The following TTC13 variants were observed in gnomAD, a reference collection of about 807,000 sequenced individuals.
TTC13 encodes tetratricopeptide repeat protein 13.
In TTC13, 62 loss-of-function variants were observed where a neutral mutation model predicts 120.0. The ratio of observed to expected loss-of-function variants is 0.52; its 90% CI spans 0.42 to 0.64. The LOEUF (loss-of-function observed/expected upper bound fraction) is 0.64, where lower values mean the gene tolerates loss of function less well. TTC13 is among the 30% of genes least tolerant of loss of function. The pLI is 0.00. For missense variants in TTC13, 824 were observed against 1,050.2 expected, an observed-to-expected ratio of 0.78 and a Z score of 2.98; for synonymous variants, 384 against 393.5, an observed-to-expected ratio of 0.98 and a Z score of 0.28.
At chr1:230,974,589 C>T (rs1439665710) in intron 1 of TTC13, among the ~76,000 whole-genome samples, 1 of 152,146 alleles carries the variant, frequency 6.6e-6, no homozygotes, top group East Asian at 1.9e-4. Flanking sequence ...CCATCTCGGT[C>T]TAAGTACACT....
At chr1:230,937,120 AG>A (rs1453578988) in intron 8 of TTC13, among the ~76,000 whole-genome samples, 3 of 152,212 alleles carry the variant, frequency 2.0e-5, no homozygotes, top group Non-Finnish European at 4.4e-5. Flanking sequence ...TCAAAATGAA[AG>A]CACTGTTTCT....
intron 4 of TTC13, among the ~76,000 whole-genome samples, chr1:230,949,030 G>C (rs2102912734): frequency 6.6e-6 from 1 of 152,194 alleles, no homozygotes; most frequent in African/African-American, 2.4e-5. Flanking sequence ...TTCACTGTAT[G>C]GATGTCAGCC....
At chr1:230,929,516 G>GT (rs1464512190) in intron 11 of TTC13, among the ~76,000 whole-genome samples, 2 of 152,094 alleles carry the variant, frequency 1.3e-5, no homozygotes, top group East Asian at 3.9e-4. Flanking sequence ...GGGTTTCACC[G>GT]TGTTAGCCAG....
At chr1:230,919,229 AC>A (rs1045669773) in intron 17 of TTC13, among the ~76,000 whole-genome samples, 7 of 151,862 alleles carry the variant, frequency 4.6e-5, no homozygotes, top group Admixed American at 3.3e-4. Flanking sequence ...CTCACTCATC[AC>A]CCAGTGTAGG....
At chr1:230,924,258 G>C (rs1480827147) in intron 14 of TTC13, among the ~76,000 whole-genome samples, 1 of 152,202 alleles carries the variant, frequency 6.6e-6, no homozygotes, top group East Asian at 1.9e-4. Context: ...ACAGGTAATG[G>C]ATCTGTTCTT....
chr1:230,953,731 G>A (rs530141512), intron 4 of TTC13, among the ~76,000 whole-genome samples: 4 of 152,272 alleles, frequency 2.6e-5, no homozygotes, highest in African/African-American at 9.6e-5. Context: ...AAGATACAAG[G>A]CCAATGATGC....
chr1:230,969,049 C>A (rs946642164), intron 1 of TTC13, among the ~76,000 whole-genome samples: 2 of 151,966 alleles, frequency 1.3e-5, no homozygotes, highest in African/African-American at 4.8e-5. Flanking sequence ...CTGAGGTGGG[C>A]GGATCACGAG....
chr1:230,950,334 T>C (rs16853450), intron 4 of TTC13, among the ~76,000 whole-genome samples: 11,093 of 152,162 alleles, frequency 0.073, 436 homozygotes, highest in Non-Finnish European at 0.088. Flanking sequence ...TGAAAATGAA[T>C]ACTTCAATCT....
intron 4 of TTC13, among the ~76,000 whole-genome samples, chr1:230,948,838 A>C (rs1427633885): frequency 6.6e-6 from 1 of 151,906 alleles, no homozygotes; most frequent in African/African-American, 2.4e-5. Context: ...CCCTACATAC[A>C]AGATGCTTTC....
In TTC13 at chr1:230,953,414, A is replaced by T. The variant is rs115910030; in HGVS notation, c.513+919T>A. Among the ~76,000 whole-genome samples the T allele has an allele frequency of 3.5e-3, 533 of 152,356 alleles. 2 individuals are homozygous for T. Among genetic ancestry groups the T allele is most frequent in the African/African-American group, 0.012 (507 of 41,590 alleles). ...GCATTTGTTGGCACTTGCTACGGTT[A>T]ACACAGATGAATATACCAGAATGGT... On this transcript the variant is annotated intron_variant, in intron 4 of 22. Coordinates refer to ENST00000366661, the MANE Select transcript of TTC13 (RefSeq NM_024525.5).
intron 20 of TTC13, among the ~76,000 whole-genome samples, chr1:230,910,328 G>C (rs1422179415): frequency 6.6e-6 from 1 of 152,230 alleles, no homozygotes; most frequent in Non-Finnish European, 1.5e-5. Context: ...CCACGGAAGA[G>C]AGCGGTGCTG....
In TTC13 at chr1:230,944,254, C is replaced by T. The variant is rs901353914; in HGVS notation, c.580-356G>A. On this transcript the variant is annotated intron_variant, in intron 5 of 22. Transcript: ENST00000366661. The surrounding 1 kb of genome is among the most constrained non-coding windows in gnomAD (Gnocchi z 4.0). The stretch of plus-strand genomic sequence containing the variant: ...ATGAAATGAGGCTGACCTGTGGCAA[C>T]AGGGGAACAGAAATGGGTCAAGACA... Among the ~76,000 whole-genome samples the T allele has an allele frequency of 6.6e-6, 1 of 152,144 alleles. No homozygotes were observed. The highest frequency in any genetic ancestry group is 2.1e-4 in the South Asian group (1 of 4,826).
At chr1:230,931,664 TC>T in intron 10 of TTC13, 71 bp downstream of exon 10, 1 of 1,565,650 alleles carries the variant, frequency 6.4e-7, no homozygotes, top group Non-Finnish European at 8.7e-7. Context: ...CCTTCTCTAT[TC>T]ATTTCACTAA....
At chr1:230,917,363 T>A (rs561337731) in intron 17 of TTC13, among the ~76,000 whole-genome samples, 1 of 152,270 alleles carries the variant, frequency 6.6e-6, no homozygotes, top group East Asian at 1.9e-4. Flanking sequence ...AGAGTGGGAA[T>A]GTGGGCCCAA....
intron 1 of TTC13, among the ~76,000 whole-genome samples, chr1:230,971,519 A>G (rs981924678): frequency 6.6e-6 from 1 of 152,158 alleles, no homozygotes; most frequent in African/African-American, 2.4e-5. Context: ...TCGGTACCTG[A>G]GATGTATTAT....
rs1309940730 is a variant in TTC13, at chr1:230,978,561, G to C, written c.270C>G (p.Gly90=). The change falls in exon 1 of 23, where the codon GGC becomes GGG. Residue 90 remains glycine, a splice_region_variant and synonymous_variant. Coordinates refer to ENST00000366661, the MANE Select transcript of TTC13 (RefSeq NM_024525.5). The surrounding 1 kb of genome is among the most constrained non-coding windows in gnomAD (Gnocchi z 5.6). ...GGACGCCCGCCGCCGCCCACTCACCGCCGCACTCGGCAGAGTACTGGTCCC... is the reference window on the plus strand; with the variant it reads ...GGACGCCCGCCGCCGCCCACTCACCCCCGCACTCGGCAGAGTACTGGTCCC... The part of the protein sequence containing the change: ...DWGDQYSAEC[G]ESSFLNFHDS... 5.5e-6 allele frequency: 6 copies of C among 1,092,998 alleles called. No homozygotes were observed. Among genetic ancestry groups the C allele is most frequent in the Middle Eastern group, 3.2e-4 (1 of 3,080 alleles). The allele number at this position is 1,092,998 out of a possible 1,614,324, so 67.7% of individuals were successfully genotyped here. A position where few individuals can be genotyped will look rare whatever the true frequency, so the allele number is the denominator to read the frequency against.
At chr1:230,946,351 G>A (rs1336036239) in intron 4 of TTC13, among the ~76,000 whole-genome samples, 1 of 152,134 alleles carries the variant, frequency 6.6e-6, no homozygotes, top group African/African-American at 2.4e-5. Flanking sequence ...CTACTGTTCA[G>A]TTTCAAATCT....
At position 230,917,402 on chromosome 1, in the gene TTC13, T is replaced by C. The variant is rs16853167; in HGVS notation, c.1984-1100A>G. Among the ~76,000 whole-genome samples, 1,084 of 152,266 alleles carry C rather than the reference T, an allele frequency of 7.1e-3. 11 individuals are homozygous for C. Among genetic ancestry groups the C allele is most frequent in the African/African-American group, 0.025 (1,019 of 41,552 alleles). On this transcript the variant is annotated intron_variant, in intron 17 of 22. Coordinates refer to ENST00000366661, the MANE Select transcript of TTC13 (RefSeq NM_024525.5). ...CTTGGTGAATTCCAGTCCGCGTTACTTGCTAATAAACCGCCTCTAGGGGGC... is the reference window on the plus strand; with the variant it reads ...CTTGGTGAATTCCAGTCCGCGTTACCTGCTAATAAACCGCCTCTAGGGGGC...
intron 22 of TTC13, among the ~76,000 whole-genome samples, chr1:230,907,608 T>C (rs1671057108): frequency 6.6e-6 from 1 of 152,222 alleles, no homozygotes; most frequent in Non-Finnish European, 1.5e-5. Flanking sequence ...CTAATAAGCC[T>C]GAAACAACAA....
Sources: allele counts gnomAD v4.1 joint callset (sites outside exome capture counted in the v4.1 genomes callset), GRCh38; gene constraint gnomAD v4.1.1; non-coding constraint Gnocchi (gnomAD v3.1); transcripts MANE v1.5; gene names NCBI Gene and HGNC (gene_info 2026-07-23, HGNC 2026-07-21).